Variants in YTHDC2 observed in about 807,000 individuals in gnomAD.
YTHDC2 encodes YTH N6-methyladenosine RNA binding protein C2, also known as 3'-5' RNA helicase YTHDC2.
In YTHDC2, 45 loss-of-function variants were observed where a neutral mutation model predicts 174.9. The observed-to-expected ratio is 0.26, with a 90% CI of 0.20 to 0.33. YTHDC2 has a LOEUF of 0.33. Among genes scored for constraint, YTHDC2 ranks in the 10% least tolerant of loss-of-function variants. YTHDC2 has a pLI of 1.00. For synonymous variants in YTHDC2, 657 were observed against 574.5 expected (o/e 1.14, Z -2.05); for missense variants, 1,650 against 1,723.7 (o/e 0.96, Z 0.76).
Position 113,539,086 on chromosome 5 carries a change from C to T in YTHDC2, c.1115C>T (p.Pro372Leu). 1 of 1,405,716 alleles carries T rather than the reference C, an allele frequency of 7.1e-7. No individual in the cohort carries two copies. The allele number at this position is 1,405,716 out of a possible 1,614,324, so 87.1% of individuals were successfully genotyped here. The change falls in exon 8 of 30, where the codon CCA (proline) becomes CTA (leucine). Residue 372 changes from proline (P) to leucine (L), a missense_variant. Physicochemically the swap from Pro to Leu is moderately conservative, Grantham distance 98 (BLOSUM62 -3). Transcript: ENST00000161863. ...TTTTATTATTTAGTACAGGGAAGAC[C>T]ATTTGAAGTAAAAGAAATGTTTCTG... ...SCPVIYIQGR[P>L]FEVKEMFLED... is the part of the protein sequence containing the mutation.
chr5:113,515,283 CCTT>C lies in YTHDC2; in HGVS notation c.206_208del (p.Ser69del). On this transcript the variant is annotated inframe_deletion, in exon 2 of 30. Transcript: ENST00000161863. ...TTTTTTCCGTGTAGAAATGGAATTT[CCTT>C]CTTCTTTGACCAGTACTGAAAGAGC... 1.2e-6 allele frequency: 2 copies of C among 1,602,130 alleles called. No homozygotes were observed. Among genetic ancestry groups the C allele is most frequent in the Non-Finnish European group, 1.7e-6 (2 of 1,175,976 alleles).
intron 4 of YTHDC2, among the ~76,000 whole-genome samples, chr5:113,530,949 C>T (rs979610171): frequency 2.6e-5 from 4 of 152,100 alleles, no homozygotes; most frequent in Admixed American, 1.3e-4. Flanking sequence ...GATAGTTTTG[C>T]AAGGTACAGA....
At chr5:113,581,358 C>A (rs1280626160) in intron 24 of YTHDC2, 59 bp from the exon 25 acceptor site, 1 of 1,458,766 alleles carries the variant, frequency 6.9e-7, no homozygotes, top group Non-Finnish European at 9.1e-7. Context: ...AACTAATCAA[C>A]ACATAGGTGT....
intron 16 of YTHDC2, 131 bp downstream of exon 16, chr5:113,554,153 A>G: frequency 2.6e-6 from 2 of 758,176 alleles, no homozygotes; most frequent in Non-Finnish European, 1.9e-6. Context: ...GGACCAGCGC[A>G]TGCTTTTATA....
intron 20 of YTHDC2, chr5:113,565,636 T>C (rs1276347747): frequency 2.6e-5 from 7 of 271,728 alleles, no homozygotes; most frequent in Non-Finnish European, 4.8e-5. Flanking sequence ...AGAAGGCAAA[T>C]ATTTTTACAT....
chr5:113,570,956 G>A (rs905230196), intron 23 of YTHDC2, among the ~76,000 whole-genome samples: 8 of 152,066 alleles, frequency 5.3e-5, no homozygotes, highest in East Asian at 3.9e-4. Context: ...CCCACCCGAC[G>A]TGAATACTCT....
In YTHDC2 at chr5:113,565,919, G is replaced by A. The variant is rs776519306; in HGVS notation, c.2742G>A (p.Gly914=). Residue 914 remains glycine (G), a synonymous_variant, in exon 21 of 30, where the codon GGG becomes GGA. Coordinates refer to ENST00000161863, the MANE Select transcript of YTHDC2 (RefSeq NM_022828.5). ...FQAWQKARSD[G]WERAFCEKNF... is the part of the protein sequence containing the mutation. ...CCTGGCAAAAAGCACGAAGTGATGG[G>A]TGGGAGCGAGCCTTTTGTGAAAAGA... The A allele has an allele frequency of 6.2e-7, 1 of 1,613,322 alleles. No individual in the cohort carries two copies. The highest frequency in any genetic ancestry group is 1.7e-5 in the Admixed American group (1 of 59,920).
At chr5:113,534,770 C>T (rs1438459495) in intron 6 of YTHDC2, among the ~76,000 whole-genome samples, 2 of 152,074 alleles carry the variant, frequency 1.3e-5, no homozygotes, top group Non-Finnish European at 2.9e-5. Context: ...TTGATCCCTT[C>T]ATTAATATCA....
At chr5:113,554,692 A>C (rs1454432780) in intron 16 of YTHDC2, among the ~76,000 whole-genome samples, 2 of 151,990 alleles carry the variant, frequency 1.3e-5, no homozygotes, top group Non-Finnish European at 1.5e-5. Flanking sequence ...CTCAAAGCCT[A>C]AAATATTTAC....
intron 24 of YTHDC2, 35 bp downstream of exon 24, chr5:113,579,730 T>A: frequency 6.4e-7 from 1 of 1,559,954 alleles, no homozygotes; most frequent in South Asian, 1.2e-5. Context: ...TAAATTTCTT[T>A]CATTCAGTTA....
chr5:113,529,278 C>A (rs1774492121), intron 4 of YTHDC2, among the ~76,000 whole-genome samples: 1 of 152,174 alleles, frequency 6.6e-6, no homozygotes, highest in Non-Finnish European at 1.5e-5. Flanking sequence ...TGTTAATCTA[C>A]TCTAGTTAAC....
intron 26 of YTHDC2, among the ~76,000 whole-genome samples, chr5:113,589,204 A>G (rs1778852055): frequency 1.3e-5 from 2 of 151,514 alleles, no homozygotes; most frequent in South Asian, 4.2e-4. Flanking sequence ...ACCATCTCAT[A>G]TGGTTCCACA....
intron 10 of YTHDC2, among the ~76,000 whole-genome samples, chr5:113,546,028 C>T (rs1159631210): frequency 2.0e-5 from 1 of 51,010 alleles, no homozygotes; most frequent in Non-Finnish European, 3.3e-5. Flanking sequence ...GCGTGAGCCA[C>T]CGCGCCCGGC....
At chr5:113,583,748 CT>C (rs1216168385) in intron 25 of YTHDC2, 5 of 152,520 alleles carry the variant, frequency 3.3e-5, no homozygotes, top group African/African-American at 1.2e-4. Context: ...TCCCAAAGTG[CT>C]GGGATTACAG....
Position 113,592,053 on chromosome 5 carries a change from G to C in YTHDC2, c.4087G>C (p.Ala1363Pro), listed in dbSNP as rs746080093. The change falls in exon 28 of 30, where the codon GCT becomes CCT. Residue 1363 changes from alanine to proline, a missense_variant. This residue lies in a region of YTHDC2 where 913 missense variants were observed against 940.4 expected (regional missense o/e 0.97). Coordinates refer to ENST00000161863, the MANE Select transcript of YTHDC2 (RefSeq NM_022828.5). ...GGAAAAGAGTCAGGACTGGGGCTCT[G>C]CTGGACTAGGAGGAGTATTTAAGGT... ...GREKSQDWGS[A>P]GLGGVFKVEW... The C allele has an allele frequency of 1.9e-5, 30 of 1,612,750 alleles. No individual in the cohort carries two copies. The highest frequency in any genetic ancestry group is 1.0e-4 in the Admixed American group (6 of 59,820).
intron 23 of YTHDC2, among the ~76,000 whole-genome samples, chr5:113,576,795 T>C (rs1321150819): frequency 2.0e-5 from 3 of 151,534 alleles, no homozygotes; most frequent in Non-Finnish European, 4.4e-5. Context: ...ATTAATCTTT[T>C]TTCTGTCATG....
chr5:113,523,259 T>G (rs1023838047), intron 2 of YTHDC2, among the ~76,000 whole-genome samples: 7 of 152,154 alleles, frequency 4.6e-5, no homozygotes, highest in African/African-American at 1.7e-4. Flanking sequence ...AATATGAAGT[T>G]TTTAAAATTA....
chr5:113,556,580 A>G (rs34554590), intron 17 of YTHDC2, among the ~76,000 whole-genome samples: 17,500 of 152,204 alleles, frequency 0.11, 1,128 homozygotes, highest in African/African-American at 0.14. Context: ...GTATCTAAAT[A>G]AATGCAAATT....
chr5:113,538,069 A>G (rs1775204354), intron 7 of YTHDC2, among the ~76,000 whole-genome samples: 1 of 152,194 alleles, frequency 6.6e-6, no homozygotes, highest in Admixed American at 6.5e-5. Flanking sequence ...GCCAGACATC[A>G]AAGGACTATA....
Sources: gnomAD v4.1 joint callset for allele counts (sites outside exome capture counted in the v4.1 genomes callset) on GRCh38, gnomAD v4.1.1 for gene constraint, gnomAD v4.1.1 regional missense constraint, MANE v1.5 for transcripts, NCBI Gene and HGNC (gene_info 2026-07-23, HGNC 2026-07-21) for gene names.